Variants in PLCL1 observed in about 807,000 individuals in gnomAD.
The protein encoded by PLCL1 is inactive phospholipase C-like protein 1.
A neutral mutation model predicts 84.4 loss-of-function variants in PLCL1; 41 were observed. The ratio of observed to expected loss-of-function variants is 0.49; its 90% CI spans 0.38 to 0.63. PLCL1 has a LOEUF of 0.63. Ranked by LOEUF, PLCL1 falls within the 30% of genes least tolerant of loss-of-function variation. The pLI, the probability that PLCL1 is intolerant of heterozygous loss-of-function variation, is 0.00. For synonymous variants in PLCL1, 490 were observed against 488.3 expected (o/e 1.00, Z -0.05); for missense variants, 1,206 against 1,367.8 (o/e 0.88, Z 1.87).
chr2:198,019,357 A>G (rs1159813163), intron 1 of PLCL1, among the ~76,000 whole-genome samples: 1 of 152,234 alleles, frequency 6.6e-6, no homozygotes, highest in East Asian at 1.9e-4. Context: ...CTTGCCAGGA[A>G]TGGGAACAAA....
intron 5 of PLCL1, among the ~76,000 whole-genome samples, chr2:198,126,259 C>T (rs774016089): frequency 6.6e-6 from 1 of 152,108 alleles, no homozygotes; most frequent in Non-Finnish European, 1.5e-5. Context: ...TCTGTGCTTA[C>T]CCCCCAACTC....
chr2:197,938,501 C>A (rs1689091166), intron 1 of PLCL1, among the ~76,000 whole-genome samples: 1 of 152,190 alleles, frequency 6.6e-6, no homozygotes, highest in Non-Finnish European at 1.5e-5. Context: ...TTAATTATCC[C>A]TCAAATAATA....
At chr2:198,119,578 A>C (rs567028177) in intron 5 of PLCL1, among the ~76,000 whole-genome samples, 10 of 151,876 alleles carry the variant, frequency 6.6e-5, no homozygotes, top group African/African-American at 2.2e-4. Flanking sequence ...CATCACTCAC[A>C]TCCAGCACTA....
At chr2:197,881,521 C>G (rs1310057951) in intron 1 of PLCL1, among the ~76,000 whole-genome samples, 4 of 150,906 alleles carry the variant, frequency 2.7e-5, no homozygotes, top group African/African-American at 7.3e-5. Flanking sequence ...GAACAGTGCT[C>G]TGTGTGTGTG....
intron 1 of PLCL1, among the ~76,000 whole-genome samples, chr2:198,052,700 C>T (rs576409247): frequency 2.6e-5 from 4 of 152,212 alleles, no homozygotes; most frequent in Admixed American, 2.0e-4. Context: ...AAATGTGGGG[C>T]CTTTTCTGTG....
intron 3 of PLCL1, among the ~76,000 whole-genome samples, 176 bp downstream of exon 3, chr2:198,089,237 T>C (rs1692960928): frequency 6.6e-6 from 1 of 152,120 alleles, no homozygotes; most frequent in South Asian, 2.1e-4. Flanking sequence ...AGTGGAAAAC[T>C]CTGAGAAAAT....
intron 1 of PLCL1, among the ~76,000 whole-genome samples, chr2:197,925,969 A>G (rs1688822987): frequency 6.6e-6 from 1 of 152,152 alleles, no homozygotes. Context: ...CTTGTTTTGA[A>G]GGTCAGCTTT....
chr2:197,839,358 G>A (rs1272712917), intron 1 of PLCL1, among the ~76,000 whole-genome samples: 1 of 152,198 alleles, frequency 6.6e-6, no homozygotes, highest in Non-Finnish European at 1.5e-5. Context: ...TTTTCCAAGG[G>A]AAGGGGGGAT....
chr2:198,059,050 A>C (rs1181417945), intron 1 of PLCL1, among the ~76,000 whole-genome samples: 1 of 152,132 alleles, frequency 6.6e-6, no homozygotes, highest in Non-Finnish European at 1.5e-5. Flanking sequence ...GCTCTAGCTG[A>C]GTTCATATAA....
At chr2:197,989,730 C>G (rs556201850) in intron 1 of PLCL1, among the ~76,000 whole-genome samples, 182 of 146,728 alleles carry the variant, frequency 1.2e-3, no homozygotes, top group African/African-American at 4.4e-3. Context: ...AAACAAAAAA[C>G]AAAAAAAAAA....
At chr2:198,017,001 G>T (rs1396805759) in intron 1 of PLCL1, among the ~76,000 whole-genome samples, 1 of 152,112 alleles carries the variant, frequency 6.6e-6, no homozygotes. Context: ...GCAGATTTTG[G>T]TGGGGAGGCG....
In PLCL1 at chr2:198,132,113, C is replaced by T. The variant is rs138149348; in HGVS notation, c.3106-14667C>T. Reference sequence around the variant, plus strand: ...TCTAGCACTTCATTCTGTTCACAACCAACTAAGACTCTTAGAATTTTTCAG... The same window carrying T: ...TCTAGCACTTCATTCTGTTCACAACTAACTAAGACTCTTAGAATTTTTCAG... On this transcript the variant is annotated intron_variant, in intron 5 of 5. Transcript: ENST00000428675. 2.0e-5 allele frequency among the ~76,000 whole-genome samples: 3 copies of T among 152,292 alleles called. No homozygotes were observed. In the East Asian group the frequency reaches 5.8e-4, roughly 29 times the overall value.
At chr2:197,851,882 A>T (rs1475088065) in intron 1 of PLCL1, among the ~76,000 whole-genome samples, 2 of 152,214 alleles carry the variant, frequency 1.3e-5, no homozygotes, top group Non-Finnish European at 2.9e-5. Context: ...ATGATTATAT[A>T]TTAAGATTGC....
chr2:197,904,558 G>T, intron 1 of PLCL1, among the ~76,000 whole-genome samples: 1 of 152,128 alleles, frequency 6.6e-6, no homozygotes, highest in South Asian at 2.1e-4. Flanking sequence ...TACAGTATAT[G>T]ACTTTAACTC....
At position 198,085,671 on chromosome 2, in the gene PLCL1, G is replaced by T; in HGVS notation, c.2154G>T (p.Val718=). ...SANTKGILPG[V]SPLALHIKII... ...ATACAAAGGGCATTCTACCTGGGGTGTCTCCTCTAGCTCTTCATATCAAGA... is the reference window on the plus strand; with the variant it reads ...ATACAAAGGGCATTCTACCTGGGGTTTCTCCTCTAGCTCTTCATATCAAGA... The change falls in exon 2 of 6, where the codon GTG becomes GTT. Residue 718 remains valine (V), a synonymous_variant. Transcript: ENST00000428675. The surrounding 1 kb of genome is among the most constrained non-coding windows in gnomAD (Gnocchi z 5.3). The T allele has an allele frequency of 6.2e-7, 1 of 1,614,104 alleles. No homozygotes were observed. Among genetic ancestry groups the T allele is most frequent in the Non-Finnish European group, 8.5e-7 (1 of 1,179,968 alleles).
chr2:197,843,207 C>T (rs567134878), intron 1 of PLCL1, among the ~76,000 whole-genome samples: 1 of 152,232 alleles, frequency 6.6e-6, no homozygotes, highest in South Asian at 2.1e-4. Flanking sequence ...CAAGAGATTG[C>T]AATGATCGAC....
In PLCL1 at chr2:197,992,954, T is replaced by G. The variant is rs539807235; in HGVS notation, c.241-90804T>G. Among the ~76,000 whole-genome samples the G allele has an allele frequency of 7.9e-5, 12 of 152,364 alleles. No homozygotes were observed. The South Asian group carries it at 2.3e-3, about 29-fold the overall frequency. On this transcript the variant is annotated intron_variant, in intron 1 of 5. Coordinates refer to ENST00000428675, the MANE Select transcript of PLCL1 (RefSeq NM_006226.4). ...ACTTCCATCTTTTAGCTGTTACTAA[T>G]AATGCTTCTGTGAACATAGGTATGC...
At chr2:197,865,389 T>C (rs73990719) in intron 1 of PLCL1, among the ~76,000 whole-genome samples, 4,210 of 152,216 alleles carry the variant, frequency 0.028, 200 homozygotes, top group African/African-American at 0.095. Context: ...TTTTCAAAAA[T>C]TGGAAAGTAA....
intron 1 of PLCL1, among the ~76,000 whole-genome samples, chr2:197,903,567 T>G (rs1337282609): frequency 7.8e-6 from 1 of 127,908 alleles, no homozygotes; most frequent in African/African-American, 2.9e-5. Flanking sequence ...CACTGCAAGC[T>G]CCTCCTCCCG....
Sources: gnomAD v4.1 joint callset for allele counts (sites outside exome capture counted in the v4.1 genomes callset) on GRCh38, gnomAD v4.1.1 for gene constraint, Gnocchi (gnomAD v3.1) non-coding constraint, MANE v1.5 for transcripts, NCBI Gene and HGNC (gene_info 2026-07-23, HGNC 2026-07-21) for gene names.